CDH18: variants seen among roughly 807,000 people sequenced by gnomAD.
CDH18 encodes cadherin 18.
Under a neutral mutation model 67.9 loss-of-function variants are expected in CDH18, and 31 were observed. The ratio of observed to expected loss-of-function variants is 0.46; its 90% CI spans 0.34 to 0.62. The LOEUF (loss-of-function observed/expected upper bound fraction) is 0.62, where lower values mean the gene tolerates loss of function less well. Among genes scored for constraint, CDH18 ranks in the 20% least tolerant of loss-of-function variants. The probability of loss-of-function intolerance (pLI) is 0.01; values close to 1 mark genes in which losing one functional copy is unlikely to be tolerated. For synonymous variants in CDH18, 362 were observed against 347.2 expected (o/e 1.04, Z -0.48); for missense variants, 890 against 975.5 (o/e 0.91, Z 1.17).
chr5:20,240,356 G>C (rs1295349982), intron 2 of CDH18, among the ~76,000 whole-genome samples: 1 of 152,042 alleles, frequency 6.6e-6, no homozygotes, highest in African/African-American at 2.4e-5. Context: ...TATCAATTGA[G>C]ACAAAATATA....
chr5:19,529,641 T>C (rs1290678719), intron 9 of CDH18, among the ~76,000 whole-genome samples: 3 of 152,074 alleles, frequency 2.0e-5, no homozygotes, highest in Non-Finnish European at 4.4e-5. Context: ...TATCACAGGA[T>C]ACAAGTTCGG....
chr5:19,514,360 C>T (rs951407665), intron 10 of CDH18, among the ~76,000 whole-genome samples: 4 of 152,144 alleles, frequency 2.6e-5, no homozygotes, highest in African/African-American at 9.7e-5. Context: ...GGTATATACC[C>T]AGTAATGGGA....
intron 2 of CDH18, among the ~76,000 whole-genome samples, chr5:19,860,543 G>T (rs1441992163): frequency 6.7e-6 from 1 of 148,536 alleles, no homozygotes. Context: ...TTTTATATTG[G>T]TCTGACTTGT....
chr5:19,704,869 G>T (rs528547211), intron 5 of CDH18, among the ~76,000 whole-genome samples: 1 of 152,214 alleles, frequency 6.6e-6, no homozygotes, highest in African/African-American at 2.4e-5. Context: ...CAATCTATAG[G>T]GGCATTACAG....
At chr5:19,517,176 T>G (rs1746162734) in intron 10 of CDH18, among the ~76,000 whole-genome samples, 1 of 152,080 alleles carries the variant, frequency 6.6e-6, no homozygotes, top group African/African-American at 2.4e-5. Flanking sequence ...CGATATCACA[T>G]TGTAGTTTTA....
At chr5:19,639,464 G>T (rs1753723291) in intron 5 of CDH18, among the ~76,000 whole-genome samples, 1 of 152,174 alleles carries the variant, frequency 6.6e-6, no homozygotes, top group Admixed American at 6.5e-5. Context: ...AGCCATAGCT[G>T]TCCCAAACAT....
intron 2 of CDH18, among the ~76,000 whole-genome samples, chr5:20,018,415 G>C: frequency 6.6e-6 from 1 of 152,138 alleles, no homozygotes; most frequent in East Asian, 1.9e-4. Context: ...AGATTCTTTT[G>C]TCTAGTGTGG....
At chr5:20,018,999 G>A (rs527639281) in intron 2 of CDH18, among the ~76,000 whole-genome samples, 14 of 143,954 alleles carry the variant, frequency 9.7e-5, no homozygotes, top group South Asian at 4.6e-4. Flanking sequence ...GGGTTTCACC[G>A]TGTTAGCCAG....
intron 1 of CDH18, among the ~76,000 whole-genome samples, chr5:20,300,065 A>T (rs753489345): frequency 7.9e-5 from 12 of 152,264 alleles, no homozygotes; most frequent in African/African-American, 2.6e-4. Flanking sequence ...TTTTTAAAAT[A>T]TATTTGCAGT....
At chr5:19,511,658 G>C (rs1156428681) in intron 10 of CDH18, among the ~76,000 whole-genome samples, 1 of 152,116 alleles carries the variant, frequency 6.6e-6, no homozygotes, top group Non-Finnish European at 1.5e-5. Flanking sequence ...CTTTGAACTT[G>C]AGAGAGATGA....
intron 3 of CDH18, among the ~76,000 whole-genome samples, chr5:19,835,609 AT>A (rs1781538309): frequency 6.6e-6 from 1 of 152,138 alleles, no homozygotes; most frequent in Admixed American, 6.6e-5. Context: ...GAAGGGAATT[AT>A]TTTAAGCATA....
At chr5:20,137,255 A>G (rs922572651) in intron 2 of CDH18, among the ~76,000 whole-genome samples, 9 of 152,028 alleles carry the variant, frequency 5.9e-5, no homozygotes, top group Non-Finnish European at 1.2e-4. Context: ...ACATAGTCCT[A>G]TATTTCTTGG....
intron 11 of CDH18, among the ~76,000 whole-genome samples, chr5:19,489,534 A>T (rs2126651870): frequency 6.6e-6 from 1 of 152,156 alleles, no homozygotes; most frequent in Non-Finnish European, 1.5e-5. Context: ...GGTGTGAGCC[A>T]CCGCGCCTGG....
chr5:20,547,242 A>G (rs1322609891), intron 1 of CDH18, among the ~76,000 whole-genome samples: 1 of 152,172 alleles, frequency 6.6e-6, no homozygotes, highest in African/African-American at 2.4e-5. Flanking sequence ...TAGAATGTTG[A>G]AAATAAAACT....
At chr5:19,634,712 T>C (rs1580617335) in intron 5 of CDH18, among the ~76,000 whole-genome samples, 2 of 149,688 alleles carry the variant, frequency 1.3e-5, no homozygotes, top group Admixed American at 1.3e-4. Context: ...TGAGGGTGGG[T>C]GGATCACCTG....
chr5:19,715,879 C>T (rs1316632838), intron 5 of CDH18, among the ~76,000 whole-genome samples: 3 of 149,164 alleles, frequency 2.0e-5, no homozygotes, highest in East Asian at 2.0e-4. Flanking sequence ...TGCAGTTACA[C>T]GATCTTGGCT....
chr5:20,294,657 T>A (rs1461548565), intron 1 of CDH18, among the ~76,000 whole-genome samples: 1 of 152,226 alleles, frequency 6.6e-6, no homozygotes, highest in African/African-American at 2.4e-5. Flanking sequence ...GTCCCATTTG[T>A]ATTTCCCAAG....
chr5:19,844,663 G>A (rs1782726525), intron 2 of CDH18, among the ~76,000 whole-genome samples: 1 of 152,142 alleles, frequency 6.6e-6, no homozygotes, highest in Admixed American at 6.5e-5. Flanking sequence ...CTCAAATGAT[G>A]GAAAGATGTA....
intron 10 of CDH18, among the ~76,000 whole-genome samples, chr5:19,505,875 A>G (rs1298478512): frequency 5.9e-5 from 9 of 152,122 alleles, no homozygotes; most frequent in Non-Finnish European, 1.2e-4. Flanking sequence ...ATTGATTGGA[A>G]TAGTTTCAGA....
Sources: allele counts gnomAD v4.1 joint callset (sites outside exome capture counted in the v4.1 genomes callset), GRCh38; gene constraint gnomAD v4.1.1; transcripts MANE v1.5; gene names NCBI Gene and HGNC (gene_info 2026-07-23, HGNC 2026-07-21).